The following CORO7 variants were observed in gnomAD, a reference collection of about 807,000 sequenced individuals.
CORO7 encodes the protein coronin-7.
A neutral mutation model predicts 126.6 loss-of-function variants in CORO7; 107 were observed. That is an observed-to-expected ratio of 0.85 (90% CI 0.72 to 0.99). The LOEUF is 0.99. Among genes scored for constraint, CORO7 ranks in the 50% least tolerant of loss-of-function variants. The probability of loss-of-function intolerance (pLI) is 0.00; values close to 1 mark genes in which losing one functional copy is unlikely to be tolerated. For synonymous variants in CORO7, 603 were observed against 536.8 expected, an observed-to-expected ratio of 1.12 and a Z score of -1.70; for missense variants, 1,314 against 1,255.8, an observed-to-expected ratio of 1.05 and a Z score of -0.70.
At chr16:4,363,721 A>C (rs1210142545) in intron 14 of CORO7, among the ~76,000 whole-genome samples, 1 of 151,134 alleles carries the variant, frequency 6.6e-6, no homozygotes, top group East Asian at 2.0e-4. Flanking sequence ...AAAAACAAAA[A>C]CAAAAACAAA....
intron 19 of CORO7, 90 bp from the exon 20 acceptor site, chr16:4,360,638 C>T: frequency 6.8e-7 from 1 of 1,471,266 alleles, no homozygotes; most frequent in Non-Finnish European, 9.1e-7. Context: ...ACTGCTGGCG[C>T]CGCCCCTCCT....
chr16:4,407,243 C>T (rs1238702608), intron 5 of CORO7, among the ~76,000 whole-genome samples: 3 of 150,646 alleles, frequency 2.0e-5, no homozygotes, highest in Non-Finnish European at 4.4e-5. Context: ...CCACCGCGCC[C>T]GGCCATTATT....
intron 26 of CORO7, among the ~76,000 whole-genome samples, chr16:4,355,833 A>G (rs1450757850): frequency 1.3e-5 from 2 of 152,104 alleles, no homozygotes; most frequent in African/African-American, 4.8e-5. Flanking sequence ...GCTGGAGTGC[A>G]GTGGTGCAAT....
chr16:4,399,576 A>G (rs1257839162), intron 6 of CORO7, among the ~76,000 whole-genome samples: 3 of 152,228 alleles, frequency 2.0e-5, no homozygotes, highest in African/African-American at 7.2e-5. Flanking sequence ...CTGTTTCACA[A>G]CAGTGTAAAT....
intron 6 of CORO7, among the ~76,000 whole-genome samples, chr16:4,396,053 T>A (rs532011536): frequency 6.6e-6 from 1 of 151,964 alleles, no homozygotes; most frequent in Admixed American, 6.6e-5. Context: ...ACAATCTGTA[T>A]CCACTACTAC....
At chr16:4,412,224 G>C (rs1205496726) in intron 3 of CORO7, 132 bp downstream of exon 3, 2 of 929,312 alleles carry the variant, frequency 2.2e-6, no homozygotes, top group African/African-American at 3.3e-5. Flanking sequence ...GTCTCTCAGA[G>C]AGTGCACAGA....
At chr16:4,357,773 T>G in intron 25 of CORO7, 195 bp downstream of exon 25, 2 of 912,058 alleles carry the variant, frequency 2.2e-6, no homozygotes, top group Admixed American at 3.0e-5. Context: ...GTGTTAGGGG[T>G]GGGGACCTGT....
intron 6 of CORO7, among the ~76,000 whole-genome samples, chr16:4,401,602 G>C (rs1414254215): frequency 6.6e-6 from 1 of 152,228 alleles, no homozygotes; most frequent in Non-Finnish European, 1.5e-5. Context: ...AGAGAGAACA[G>C]CGAGGGACAG....
chr16:4,404,942 G>A (rs2055941811), intron 6 of CORO7, among the ~76,000 whole-genome samples: 1 of 152,090 alleles, frequency 6.6e-6, no homozygotes, highest in South Asian at 2.1e-4. Flanking sequence ...TACGGCAACA[G>A]GCACAACCCT....
chr16:4,414,712 C>T (rs2056342709), intron 1 of CORO7, among the ~76,000 whole-genome samples: 2 of 152,170 alleles, frequency 1.3e-5, no homozygotes, highest in African/African-American at 4.8e-5. Flanking sequence ...CCATGCCTAT[C>T]TGTTTATGTT....
At chr16:4,396,908 CAG>C (rs2055612647) in intron 6 of CORO7, among the ~76,000 whole-genome samples, 1 of 149,850 alleles carries the variant, frequency 6.7e-6, no homozygotes, top group South Asian at 2.1e-4. Context: ...CCCAGCTACT[CAG>C]GGGGCGGAGG....
chr16:4,371,882 G>T (rs1348492337), intron 9 of CORO7: 2 of 152,090 alleles, frequency 1.3e-5, no homozygotes, highest in Non-Finnish European at 2.9e-5. Context: ...GGGTGGACGC[G>T]GACTCGAACG....
rs748762685 is a variant in CORO7 at position 4,359,280 on chromosome 16, G to A, written c.2340+16C>T. On this transcript the variant is annotated intron_variant, in intron 23 of 27. Transcript: ENST00000251166. ...CTTGTGGTCCCATCGGGGACGAGGC[G>A]CCAGGGTGGCCTCACCTTGTGGGGG... 27 of 1,586,896 alleles carry A rather than the reference G, an allele frequency of 1.7e-5. No individual in the cohort carries two copies. The highest frequency in any genetic ancestry group is 2.3e-5 in the East Asian group (1 of 44,246).
intron 1 of CORO7, among the ~76,000 whole-genome samples, chr16:4,414,848 C>G (rs2056347189): frequency 6.6e-6 from 1 of 152,072 alleles, no homozygotes; most frequent in Non-Finnish European, 1.5e-5. Flanking sequence ...GTACCTCCTC[C>G]TAACTTTTCT....
intron 9 of CORO7, chr16:4,381,789 C>G: frequency 6.2e-7 from 1 of 1,600,402 alleles, no homozygotes. Flanking sequence ...ACTGCGTGTG[C>G]CCCCTGAGCT....
At chr16:4,358,839 T>A (rs1383546465) in intron 23 of CORO7, 1 of 289,532 alleles carries the variant, frequency 3.5e-6, no homozygotes, top group Non-Finnish European at 6.4e-6. Flanking sequence ...TAAAATTGGA[T>A]AAATTAATTA....
intron 3 of CORO7, among the ~76,000 whole-genome samples, chr16:4,409,775 C>T (rs1029609011): frequency 5.9e-5 from 9 of 152,214 alleles, no homozygotes; most frequent in African/African-American, 1.4e-4. Context: ...GGCTGCTGGG[C>T]GGAAGGGCAA....
chr16:4,376,517 C>T (rs2054736937), intron 9 of CORO7, among the ~76,000 whole-genome samples: 1 of 152,150 alleles, frequency 6.6e-6, no homozygotes, highest in African/African-American at 2.4e-5. Flanking sequence ...CCAAGCCTGT[C>T]CCCTACTCAG....
At chr16:4,360,864 CCT>C (rs1014706549) in intron 19 of CORO7, 77 bp downstream of exon 19, 2 of 1,531,492 alleles carry the variant, frequency 1.3e-6, no homozygotes, top group African/African-American at 2.8e-5. Flanking sequence ...CCCCGCCACT[CCT>C]CACTGCTGGC....
Sources: allele counts gnomAD v4.1 joint callset (sites outside exome capture counted in the v4.1 genomes callset), GRCh38; gene constraint gnomAD v4.1.1; transcripts MANE v1.5; gene names NCBI Gene and HGNC (gene_info 2026-07-23, HGNC 2026-07-21).